Variants in PRKCB observed in about 807,000 individuals in gnomAD.
The protein encoded by PRKCB is protein kinase C beta.
In PRKCB, 13 loss-of-function variants were observed where a neutral mutation model predicts 81.5. The ratio of observed to expected loss-of-function variants is 0.16; its 90% CI spans 0.10 to 0.25. The LOEUF is 0.25. Among genes scored for constraint, PRKCB ranks in the 10% least tolerant of loss-of-function variants. PRKCB has a pLI of 1.00. For missense variants in PRKCB, 509 were observed against 875.7 expected (o/e 0.58, Z 5.29); for synonymous variants, 335 against 321.4 (o/e 1.04, Z -0.45).
chr16:24,106,051 T>A (rs421725), intron 7 of PRKCB, among the ~76,000 whole-genome samples: 84,040 of 150,448 alleles, frequency 0.56, 23,861 homozygotes, highest in Middle Eastern at 0.64. Context: ...TACTTTTTTT[T>A]AAAAAAACTT....
At chr16:24,092,098 A>G (rs746196667) in intron 5 of PRKCB, among the ~76,000 whole-genome samples, 1 of 152,250 alleles carries the variant, frequency 6.6e-6, no homozygotes, top group Non-Finnish European at 1.5e-5. Flanking sequence ...TTGGACAACC[A>G]TCATCTCTAT....
intron 5 of PRKCB, among the ~76,000 whole-genome samples, chr16:24,071,772 C>T (rs1966111205): frequency 6.6e-6 from 1 of 151,982 alleles, no homozygotes; most frequent in Non-Finnish European, 1.5e-5. Context: ...TAGCTGGAGT[C>T]TGGCCTACAC....
chr16:24,096,664 A>AT (rs1260873156), intron 7 of PRKCB, among the ~76,000 whole-genome samples: 163 of 85,158 alleles, frequency 1.9e-3, no homozygotes, highest in South Asian at 4.3e-3. Flanking sequence ...AAAAAAAAAA[A>AT]AAATATATAT....
In PRKCB at chr16:23,995,004, G is replaced by A. The variant is rs1964936049; in HGVS notation, c.288+6414G>A. Among the ~76,000 whole-genome samples, 3 of 152,148 alleles carry A rather than the reference G, an allele frequency of 2.0e-5. No individual in the cohort carries two copies. The South Asian group carries it at 6.2e-4, about 32-fold the overall frequency. ...GAAGTAGCAACTACTCTAGACATTGGTAAGACATTTGTGTGTTAGAGGATG... is the reference window on the plus strand; with the variant it reads ...GAAGTAGCAACTACTCTAGACATTGATAAGACATTTGTGTGTTAGAGGATG... On this transcript the variant is annotated intron_variant, in intron 3 of 16. Transcript: ENST00000643927.
intron 7 of PRKCB, among the ~76,000 whole-genome samples, chr16:24,110,299 C>T (rs8045147): frequency 0.19 from 29,081 of 151,100 alleles, 5,264 homozygotes; most frequent in African/African-American, 0.48. Context: ...GCAACCTCTG[C>T]CTCCCGGGTT....
intron 2 of PRKCB, among the ~76,000 whole-genome samples, chr16:23,944,136 T>C (rs1158828157): frequency 6.6e-6 from 1 of 152,204 alleles, no homozygotes. Context: ...AAAGGGTGCC[T>C]TCATTTTCAC....
chr16:24,021,448 G>C lies in PRKCB; in HGVS notation c.289-10688G>C, dbSNP rs577252716. On this transcript the variant is annotated intron_variant, in intron 3 of 16. Transcript: ENST00000643927. ...GTGTCTGGGATTAAGTGATGACCTA[G>C]GATCTGCCTGTCTTTGATGCTGGGG... 9.4e-5 allele frequency among the ~76,000 whole-genome samples: 14 copies of C among 148,182 alleles called. 1 individual carries two copies. Among genetic ancestry groups the C allele is most frequent in the African/African-American group, 3.5e-4 (14 of 40,146 alleles).
intron 2 of PRKCB, among the ~76,000 whole-genome samples, chr16:23,905,019 CT>C (rs780678721): frequency 1.3e-5 from 2 of 148,746 alleles, no homozygotes; most frequent in African/African-American, 5.0e-5. Context: ...ACATTTCTTT[CT>C]TTGCATTGGT....
chr16:24,061,970 T>C (rs1270078337), intron 5 of PRKCB, among the ~76,000 whole-genome samples: 2 of 151,650 alleles, frequency 1.3e-5, no homozygotes, highest in Admixed American at 1.3e-4. Flanking sequence ...GCCCATGTTG[T>C]TGAGAAAACT....
chr16:24,187,689 G>A (rs1967725430), intron 15 of PRKCB, among the ~76,000 whole-genome samples: 1 of 144,646 alleles, frequency 6.9e-6, no homozygotes, highest in Non-Finnish European at 1.5e-5. Flanking sequence ...GTTTTGTTTT[G>A]TTTTGTTTTA....
At chr16:24,124,486 G>A (rs934557140) in intron 9 of PRKCB, among the ~76,000 whole-genome samples, 3 of 152,174 alleles carry the variant, frequency 2.0e-5, no homozygotes, top group Non-Finnish European at 4.4e-5. Flanking sequence ...AAGCAGATTA[G>A]TGACACGATC....
intron 15 of PRKCB, among the ~76,000 whole-genome samples, chr16:24,190,477 T>A (rs1239056162): frequency 6.6e-6 from 1 of 151,182 alleles, no homozygotes; most frequent in Non-Finnish European, 1.5e-5. Flanking sequence ...ATGTGGCATT[T>A]ATTTTTTTCT....
intron 5 of PRKCB, among the ~76,000 whole-genome samples, chr16:24,036,286 T>C (rs1244529430): frequency 1.3e-5 from 2 of 152,066 alleles, no homozygotes; most frequent in African/African-American, 4.8e-5. Flanking sequence ...GGCTCTGATA[T>C]GGGAAGTTCA....
chr16:24,093,665 C>A (rs1229652657), intron 6 of PRKCB, among the ~76,000 whole-genome samples: 1 of 152,178 alleles, frequency 6.6e-6, no homozygotes, highest in Non-Finnish European at 1.5e-5. Flanking sequence ...GCTAGAAGCA[C>A]AGTTCCTTGT....
intron 9 of PRKCB, among the ~76,000 whole-genome samples, chr16:24,129,731 A>G (rs1596561396): frequency 6.6e-6 from 1 of 152,182 alleles, no homozygotes; most frequent in Admixed American, 6.5e-5. Context: ...TCAATCATCT[A>G]TCTGTCGTCA....
intron 2 of PRKCB, among the ~76,000 whole-genome samples, chr16:23,847,614 T>C (rs980867447): frequency 6.8e-6 from 1 of 147,712 alleles, no homozygotes; most frequent in East Asian, 2.0e-4. Context: ...TCATTTAATA[T>C]ATATTTATTG....
intron 6 of PRKCB, among the ~76,000 whole-genome samples, chr16:24,093,851 A>G (rs1416925792): frequency 2.0e-5 from 3 of 152,216 alleles, no homozygotes; most frequent in African/African-American, 7.2e-5. Flanking sequence ...TGCAATTGAT[A>G]TCTGTATTTC....
At chr16:24,191,826 T>C (rs1967798163) in intron 16 of PRKCB, among the ~76,000 whole-genome samples, 1 of 152,224 alleles carries the variant, frequency 6.6e-6, no homozygotes, top group African/African-American at 2.4e-5. Context: ...ACATAAGTTT[T>C]ATAATGCAAG....
Position 24,216,434 on chromosome 16 carries a change from C to G in PRKCB, c.*1618C>G. The stretch of plus-strand genomic sequence containing the variant: ...AGGATTAAGGCAGCAGGTGACTCCC[C>G]CTCCTCGCCTGCCGTGTCCTGCTAT... On this transcript the variant is annotated 3_prime_UTR_variant, in exon 17 of 17. Transcript: ENST00000643927. 1 of 985,434 alleles carries G rather than the reference C, an allele frequency of 1.0e-6. No homozygotes were observed. Among genetic ancestry groups the G allele is most frequent in the Non-Finnish European group, 1.2e-6 (1 of 829,930 alleles). The allele number at this position is 985,434 out of a possible 1,614,324, so 61.0% of individuals were successfully genotyped here.
Sources: allele counts gnomAD v4.1 joint callset (sites outside exome capture counted in the v4.1 genomes callset), GRCh38; gene constraint gnomAD v4.1.1; transcripts MANE v1.5; gene names NCBI Gene and HGNC (gene_info 2026-07-23, HGNC 2026-07-21).